The following NMNAT2 variants were observed in gnomAD, a reference collection of about 807,000 sequenced individuals.
The protein encoded by NMNAT2 is nicotinamide/nicotinic acid mononucleotide adenylyltransferase 2.
A neutral mutation model predicts 41.6 loss-of-function variants in NMNAT2; 11 were observed. The observed-to-expected ratio is 0.26, with a 90% CI of 0.17 to 0.44. NMNAT2 has a LOEUF of 0.44. Ranked by LOEUF, NMNAT2 falls within the 20% of genes least tolerant of loss-of-function variation. The pLI, the probability that NMNAT2 is intolerant of heterozygous loss-of-function variation, is 1.00. For missense variants in NMNAT2, 288 were observed against 407.7 expected, an observed-to-expected ratio of 0.71 and a Z score of 2.53; for synonymous variants, 148 against 151.2, an observed-to-expected ratio of 0.98 and a Z score of 0.16.
At chr1:183,409,361 GGCTAGA>G (rs773728816) in intron 1 of NMNAT2, among the ~76,000 whole-genome samples, 39 of 152,080 alleles carry the variant, frequency 2.6e-4, no homozygotes, top group Non-Finnish European at 5.4e-4. Context: ...CTTTCACCCA[GGCTAGA>G]GCACAGTGGC....
At chr1:183,411,442 T>C (rs531341550) in intron 1 of NMNAT2, among the ~76,000 whole-genome samples, 8 of 152,302 alleles carry the variant, frequency 5.3e-5, no homozygotes, top group African/African-American at 1.9e-4. Flanking sequence ...TAGCTAGGAT[T>C]ACAGGCATGC....
chr1:183,342,681 C>T (rs1282008832), intron 1 of NMNAT2, among the ~76,000 whole-genome samples: 1 of 152,150 alleles, frequency 6.6e-6, no homozygotes, highest in African/African-American at 2.4e-5. Context: ...TTCAAATGGT[C>T]TCTTGACATA....
intron 8 of NMNAT2, among the ~76,000 whole-genome samples, chr1:183,272,016 A>T (rs1221397725): frequency 6.6e-6 from 1 of 152,148 alleles, no homozygotes; most frequent in Non-Finnish European, 1.5e-5. Flanking sequence ...GCTTCCCAAA[A>T]TGCTGGGATT....
At chr1:183,290,227 T>A (rs1661505347) in intron 3 of NMNAT2, 21 bp from the exon 4 acceptor site, 3 of 1,537,820 alleles carry the variant, frequency 2.0e-6, no homozygotes, top group Non-Finnish European at 1.8e-6. Flanking sequence ...CGGAAAGAAG[T>A]TTCCCTTGGT....
chr1:183,407,282 A>G (rs926231264), intron 1 of NMNAT2, among the ~76,000 whole-genome samples: 1 of 152,160 alleles, frequency 6.6e-6, no homozygotes, highest in Non-Finnish European at 1.5e-5. Flanking sequence ...CCCACTGTGG[A>G]TATCTGGGAA....
At chr1:183,344,202 A>T (rs1319552312) in intron 1 of NMNAT2, among the ~76,000 whole-genome samples, 1 of 152,196 alleles carries the variant, frequency 6.6e-6, no homozygotes, top group Non-Finnish European at 1.5e-5. Context: ...ATGTGTTAGC[A>T]CTGTGCTGAA....
intron 1 of NMNAT2, among the ~76,000 whole-genome samples, chr1:183,295,729 A>G (rs1255949340): frequency 6.6e-6 from 1 of 152,138 alleles, no homozygotes; most frequent in Non-Finnish European, 1.5e-5. Context: ...TATAGATTTG[A>G]CGTTTCCAAA....
chr1:183,270,959 T>C, intron 8 of NMNAT2, among the ~76,000 whole-genome samples: 1 of 152,160 alleles, frequency 6.6e-6, no homozygotes, highest in Non-Finnish European at 1.5e-5. Context: ...TTTTCTTTGG[T>C]TGTTTTCCCA....
intron 1 of NMNAT2, among the ~76,000 whole-genome samples, chr1:183,318,009 C>G (rs1262403622): frequency 6.6e-6 from 1 of 152,194 alleles, no homozygotes; most frequent in Non-Finnish European, 1.5e-5. Context: ...CTGTAATAGC[C>G]AAAACGTCTG....
intron 1 of NMNAT2, among the ~76,000 whole-genome samples, chr1:183,305,300 G>T (rs750599446): frequency 1.3e-5 from 2 of 152,086 alleles, no homozygotes; most frequent in Non-Finnish European, 2.9e-5. Context: ...TGGGCAGGGG[G>T]TGGAGTGGGG....
chr1:183,365,996 T>A (rs1663403343), intron 1 of NMNAT2, among the ~76,000 whole-genome samples: 1 of 152,202 alleles, frequency 6.6e-6, no homozygotes, highest in Non-Finnish European at 1.5e-5. Context: ...AAATGTTTTA[T>A]CCTCTTATTT....
intron 8 of NMNAT2, among the ~76,000 whole-genome samples, chr1:183,273,880 T>A (rs1571565608): frequency 1.1e-5 from 1 of 94,790 alleles, no homozygotes; most frequent in South Asian, 4.6e-4. Context: ...CCTTCCTTCC[T>A]TCCTTCCTTC....
At chr1:183,311,817 C>T (rs1662128849) in intron 1 of NMNAT2, among the ~76,000 whole-genome samples, 1 of 151,614 alleles carries the variant, frequency 6.6e-6, no homozygotes, top group African/African-American at 2.4e-5. Context: ...TGGCTGTGTC[C>T]CCACTCAAAT....
At chr1:183,359,887 T>C (rs1663269185) in intron 1 of NMNAT2, among the ~76,000 whole-genome samples, 1 of 152,224 alleles carries the variant, frequency 6.6e-6, no homozygotes, top group Middle Eastern at 3.2e-3. Context: ...AAGATAATGA[T>C]AGATTTTTTC....
At chr1:183,369,756 A>T (rs1172739449) in intron 1 of NMNAT2, among the ~76,000 whole-genome samples, 1 of 151,250 alleles carries the variant, frequency 6.6e-6, no homozygotes, top group Non-Finnish European at 1.5e-5. Context: ...TTAAACACGA[A>T]CTCCCCATTC....
At chr1:183,363,476 T>C (rs1412712560) in intron 1 of NMNAT2, among the ~76,000 whole-genome samples, 1 of 152,156 alleles carries the variant, frequency 6.6e-6, no homozygotes, top group Non-Finnish European at 1.5e-5. Flanking sequence ...TATTTGATTC[T>C]AGCAGACAAA....
At chr1:183,411,945 G>A (rs1649129242) in intron 1 of NMNAT2, among the ~76,000 whole-genome samples, 1 of 152,142 alleles carries the variant, frequency 6.6e-6, no homozygotes, top group African/African-American at 2.4e-5. Flanking sequence ...AATGAGACAT[G>A]GGCTAGGTGG....
intron 1 of NMNAT2, among the ~76,000 whole-genome samples, 193 bp from the exon 2 acceptor site, chr1:183,293,986 A>G (rs1472314983): frequency 6.6e-6 from 1 of 152,204 alleles, no homozygotes; most frequent in Admixed American, 6.5e-5. Flanking sequence ...TTCAGCCCCC[A>G]AAGCAAAAGG....
intron 1 of NMNAT2, among the ~76,000 whole-genome samples, chr1:183,296,193 G>C (rs899938800): frequency 6.6e-6 from 1 of 152,084 alleles, no homozygotes. Context: ...TCTATTGTCT[G>C]GAAGTACTTC....
Sources: allele counts gnomAD v4.1 joint callset (sites outside exome capture counted in the v4.1 genomes callset), GRCh38; gene constraint gnomAD v4.1.1; transcripts MANE v1.5; gene names NCBI Gene and HGNC (gene_info 2026-07-23, HGNC 2026-07-21).